HSD17B12: variants seen among roughly 807,000 people sequenced by gnomAD.
The protein encoded by HSD17B12 is very-long-chain 3-oxoacyl-CoA reductase.
Under a neutral mutation model 39.3 loss-of-function variants are expected in HSD17B12, and 32 were observed. The ratio of observed to expected loss-of-function variants is 0.81; its 90% CI spans 0.61 to 1.09. HSD17B12 has a LOEUF of 1.09. HSD17B12 is among the 50% of genes least tolerant of loss of function. The pLI is 0.00. For synonymous variants in HSD17B12, 150 were observed against 146.7 expected (o/e 1.02, Z -0.16); for missense variants, 342 against 382.9 (o/e 0.89, Z 0.89).
At chr11:43,636,365 C>G in the HSD17B12 span, among the ~76,000 whole-genome samples, 1 of 152,110 alleles carries the variant, frequency 6.6e-6, no homozygotes, top group Non-Finnish European at 1.5e-5. Flanking sequence ...GAGGAAAGGA[C>G]AAGCGAATCC....
At chr11:43,825,479 AGTCTAATT>A (rs1277107319) in intron 6 of HSD17B12, among the ~76,000 whole-genome samples, 3 of 152,224 alleles carry the variant, frequency 2.0e-5, no homozygotes, top group Non-Finnish European at 4.4e-5. Context: ...TCCGTTCAGC[AGTCTAATT>A]GTATTTAATT....
chr11:43,816,325 A>C (rs756933046), intron 5 of HSD17B12, 22 bp from the exon 6 acceptor site: 1 of 1,464,072 alleles, frequency 6.8e-7, no homozygotes, highest in Non-Finnish European at 9.3e-7. Flanking sequence ...GTGTATATAA[A>C]ATTCTCAATA....
At chr11:43,601,858 G>A in the HSD17B12 span, among the ~76,000 whole-genome samples, 7 of 152,202 alleles carry the variant, frequency 4.6e-5, no homozygotes, top group Non-Finnish European at 1.0e-4. Flanking sequence ...AATGTTCAGT[G>A]AGAATTCTCA....
the HSD17B12 span, among the ~76,000 whole-genome samples, chr11:43,594,238 C>A: frequency 6.6e-6 from 1 of 151,860 alleles, no homozygotes; most frequent in Non-Finnish European, 1.5e-5. Context: ...ATGAAGTATA[C>A]AACTTTGGGG....
the HSD17B12 span, among the ~76,000 whole-genome samples, chr11:43,590,586 C>T: frequency 7.5e-6 from 1 of 133,454 alleles, no homozygotes; most frequent in Non-Finnish European, 1.5e-5. Flanking sequence ...GTCACTGCAA[C>T]CTCTGCCTCC....
At chr11:43,580,515 A>AAGG in the HSD17B12 span, among the ~76,000 whole-genome samples, 1 of 152,052 alleles carries the variant, frequency 6.6e-6, no homozygotes, top group African/African-American at 2.4e-5. Flanking sequence ...TTGGGTGGGA[A>AAGG]AGGGGGTGTT....
chr11:43,774,104 A>T (rs1950675493), intron 3 of HSD17B12, among the ~76,000 whole-genome samples: 1 of 152,206 alleles, frequency 6.6e-6, no homozygotes, highest in Admixed American at 6.5e-5. Flanking sequence ...CCCCATGTAA[A>T]GGTGTCAGCT....
chr11:43,753,127 G>A (rs1286186231), intron 2 of HSD17B12, among the ~76,000 whole-genome samples: 2 of 151,968 alleles, frequency 1.3e-5, no homozygotes, highest in East Asian at 3.9e-4. Context: ...TGTGTCCTGG[G>A]ATAGTAACCA....
At chr11:43,585,238 A>C in the HSD17B12 span, among the ~76,000 whole-genome samples, 2 of 152,236 alleles carry the variant, frequency 1.3e-5, no homozygotes, top group Admixed American at 6.5e-5. Flanking sequence ...ATTAACCAGC[A>C]AAATCTCTTG....
intron 10 of HSD17B12, 72 bp downstream of exon 10, chr11:43,854,936 A>G: frequency 6.9e-7 from 1 of 1,451,006 alleles, no homozygotes; most frequent in Non-Finnish European, 9.5e-7. Flanking sequence ...GTTACAGGAT[A>G]GTATGTAATA....
the HSD17B12 span, among the ~76,000 whole-genome samples, chr11:43,586,736 C>T: frequency 3.3e-5 from 5 of 152,216 alleles, no homozygotes; most frequent in Non-Finnish European, 5.9e-5. Context: ...TCCACTATTT[C>T]AGCTTTACAT....
chr11:43,822,372 G>A (rs2135093549), intron 6 of HSD17B12, among the ~76,000 whole-genome samples: 1 of 152,242 alleles, frequency 6.6e-6, no homozygotes, highest in Non-Finnish European at 1.5e-5. Flanking sequence ...TAGGGTACAT[G>A]TGCACAACTT....
the HSD17B12 span, among the ~76,000 whole-genome samples, chr11:43,596,592 C>CT: frequency 1.3e-5 from 2 of 151,888 alleles, no homozygotes; most frequent in African/African-American, 4.8e-5. Context: ...ACCATGATAC[C>CT]TGGCTAATTT....
At chr11:43,566,568 C>T in the HSD17B12 span, among the ~76,000 whole-genome samples, 6 of 151,774 alleles carry the variant, frequency 4.0e-5, no homozygotes, top group Non-Finnish European at 8.8e-5. Flanking sequence ...CTTGCTCTGT[C>T]ACCCAGGCTG....
At chr11:43,712,083 A>C (rs111990561) in intron 1 of HSD17B12, among the ~76,000 whole-genome samples, 1 of 152,118 alleles carries the variant, frequency 6.6e-6, no homozygotes, top group Non-Finnish European at 1.5e-5. Context: ...AGAAACATTT[A>C]CAATCTATTT....
chr11:43,587,316 G>GAA, the HSD17B12 span, among the ~76,000 whole-genome samples: 2,406 of 125,464 alleles, frequency 0.019, 59 homozygotes, highest in African/African-American at 0.058. Context: ...CAGCAAAAAG[G>GAA]AAAAAAAAAA....
At chr11:43,730,594 A>G (rs1027472309) in intron 1 of HSD17B12, among the ~76,000 whole-genome samples, 7 of 152,200 alleles carry the variant, frequency 4.6e-5, no homozygotes, top group East Asian at 1.9e-4. Context: ...ACCATTATTT[A>G]TTTCAGTCTT....
chr11:43,662,029 G>A, the HSD17B12 span, among the ~76,000 whole-genome samples: 4 of 152,052 alleles, frequency 2.6e-5, no homozygotes, highest in East Asian at 3.9e-4. Flanking sequence ...CTTCTTGTGG[G>A]AAATGGATGA....
upstream of HSD17B12, chr11:43,680,576 G>C (rs1489816236): frequency 1.4e-5 from 7 of 508,742 alleles, no homozygotes; most frequent in Non-Finnish European, 2.1e-5. Context: ...AACCCCGGGG[G>C]ACGCGGTGAT....
Sources: gnomAD v4.1 joint callset for allele counts (sites outside exome capture counted in the v4.1 genomes callset) on GRCh38, gnomAD v4.1.1 for gene constraint, MANE v1.5 for transcripts, NCBI Gene and HGNC (gene_info 2026-07-23, HGNC 2026-07-21) for gene names.